The following NLRP1 variants were observed in gnomAD, a reference collection of about 807,000 sequenced individuals.
NLRP1 encodes the protein NLR family pyrin domain containing 1, also known as NACHT, LRR and PYD domains-containing protein 1.
A neutral mutation model predicts 136.7 loss-of-function variants in NLRP1; 94 were observed. The ratio of observed to expected loss-of-function variants is 0.69; its 90% CI spans 0.58 to 0.82. The LOEUF is 0.82. NLRP1 is among the 40% of genes least tolerant of loss of function. The pLI is 0.00. For synonymous variants in NLRP1, 690 were observed against 725.1 expected (o/e 0.95, Z 0.78); for missense variants, 1,575 against 1,802.7 (o/e 0.87, Z 2.29).
At chr17:5,517,649 G>A in intron 15 of NLRP1, 97 bp downstream of exon 15, 1 of 1,423,716 alleles carries the variant, frequency 7.0e-7, no homozygotes, top group Non-Finnish European at 9.7e-7. Flanking sequence ...GCCTCCCAAA[G>A]TTCTGGGATT....
intron 3 of NLRP1, among the ~76,000 whole-genome samples, chr17:5,577,685 C>T (rs962398183): frequency 3.3e-5 from 5 of 152,168 alleles, no homozygotes; most frequent in African/African-American, 1.2e-4. Flanking sequence ...CCATACTGCC[C>T]AAGGTAATTT....
At chr17:5,569,576 G>T (rs115324739) in intron 3 of NLRP1, among the ~76,000 whole-genome samples, 1 of 152,100 alleles carries the variant, frequency 6.6e-6, no homozygotes, top group Non-Finnish European at 1.5e-5. Context: ...AGACTTAACT[G>T]TCAGGAATAT....
chr17:5,550,159 A>G (rs1208426439), intron 5 of NLRP1, among the ~76,000 whole-genome samples: 1 of 150,310 alleles, frequency 6.7e-6, no homozygotes, highest in African/African-American at 2.5e-5. Context: ...TTCTCTTGTG[A>G]TGCTTTTGGT....
intron 8 of NLRP1, among the ~76,000 whole-genome samples, chr17:5,534,470 C>T (rs1910762033): frequency 6.6e-6 from 1 of 152,228 alleles, no homozygotes; most frequent in Non-Finnish European, 1.5e-5. Flanking sequence ...TCCACCCATG[C>T]ATCCAGGCTA....
intron 5 of NLRP1, among the ~76,000 whole-genome samples, chr17:5,543,625 C>A (rs1004251762): frequency 1.3e-5 from 2 of 151,256 alleles, no homozygotes; most frequent in Non-Finnish European, 2.9e-5. Context: ...CACTGCACTC[C>A]AGCCTGGGTG....
intron 9 of NLRP1, among the ~76,000 whole-genome samples, chr17:5,533,587 G>A (rs12943068): frequency 0.047 from 6,697 of 143,740 alleles, 198 homozygotes; most frequent in Middle Eastern, 0.082. Context: ...AGATGGCAGG[G>A]CAAAGATGGA....
At chr17:5,522,460 C>A (rs1364904858) in intron 12 of NLRP1, among the ~76,000 whole-genome samples, 1 of 152,188 alleles carries the variant, frequency 6.6e-6, no homozygotes, top group East Asian at 1.9e-4. Context: ...CACCAACACA[C>A]CAAATCTGCT....
intron 8 of NLRP1, among the ~76,000 whole-genome samples, chr17:5,534,832 C>G (rs868164249): frequency 6.6e-6 from 1 of 151,970 alleles, no homozygotes. Context: ...CTCTGTCACC[C>G]TCCAATGTCA....
Position 5,504,862 on chromosome 17 carries a change from C to T in NLRP1, c.4070-2990G>A, listed in dbSNP as rs1376463344. On this transcript the variant is annotated intron_variant, in intron 15 of 15. Transcript: ENST00000262467. The surrounding 1 kb of genome is among the most constrained non-coding windows in gnomAD (Gnocchi z 4.4). ...TAGAATGTGTACACAGAGCAAGAGG[C>T]AAAATTCACAAAGGCCACTTTTAGC... 6.5e-6 allele frequency: 1 copy of T among 152,714 alleles called. No homozygotes were observed. Among genetic ancestry groups the T allele is most frequent in the Non-Finnish European group, 1.5e-5 (1 of 68,206 alleles). 9.5% of individuals were successfully genotyped at this position (152,714 alleles called of 1,614,324 possible). A position where few individuals can be genotyped will look rare whatever the true frequency, so the allele number is the denominator to read the frequency against.
intron 11 of NLRP1, 25 bp from the exon 12 acceptor site, chr17:5,530,729 C>T (rs889937483): frequency 6.3e-7 from 1 of 1,578,120 alleles, no homozygotes; most frequent in Admixed American, 1.7e-5. Context: ...GAGAGGCAGA[C>T]ACTTACTGCA....
intron 5 of NLRP1, among the ~76,000 whole-genome samples, chr17:5,552,136 A>T (rs1913457259): frequency 7.6e-6 from 1 of 131,002 alleles, no homozygotes; most frequent in South Asian, 2.4e-4. Context: ...ATTTATAACT[A>T]TAAACTTCCC....
rs141287975 is a variant in NLRP1 at position 5,536,601 on chromosome 17, C to G, written c.2960+250G>C. On this transcript the variant is annotated intron_variant, in intron 8 of 16. Transcript: ENST00000572272. ...GAGTAGCTGGGACCACAGGCACCCG[C>G]CACCACGCCTGGCTAATTTTTTAGC... 2.9e-3 allele frequency among the ~76,000 whole-genome samples: 441 copies of G among 152,232 alleles called. 3 individuals carry two copies. The highest frequency in any genetic ancestry group is 9.9e-3 in the African/African-American group (413 of 41,522).
chr17:5,562,079 C>T (rs979545863), intron 3 of NLRP1, among the ~76,000 whole-genome samples: 1 of 152,184 alleles, frequency 6.6e-6, no homozygotes, highest in Non-Finnish European at 1.5e-5. Context: ...CAGGGAAACA[C>T]CCAGATGGCA....
downstream of NLRP1, among the ~76,000 whole-genome samples, chr17:5,509,834 A>T (rs1391924020): frequency 6.6e-6 from 1 of 151,900 alleles, no homozygotes; most frequent in Non-Finnish European, 1.5e-5. Context: ...GCATTCTTTG[A>T]CAGGGGTCCC....
At chr17:5,533,475 G>T in intron 9 of NLRP1, 91 bp from the exon 10 acceptor site, 1 of 663,720 alleles carries the variant, frequency 1.5e-6, no homozygotes, top group South Asian at 1.6e-5. Flanking sequence ...AGGATTGTTT[G>T]AGCTCAGAAG....
chr17:5,538,738 T>C (rs11650380), intron 7 of NLRP1, among the ~76,000 whole-genome samples: 7,070 of 152,276 alleles, frequency 0.046, 192 homozygotes, highest in Middle Eastern at 0.085. Flanking sequence ...AATGAATGAA[T>C]GAGTAAATGA....
intron 5 of NLRP1, among the ~76,000 whole-genome samples, chr17:5,542,245 A>G (rs1911964317): frequency 2.0e-5 from 3 of 149,502 alleles, no homozygotes; most frequent in Non-Finnish European, 2.9e-5. Context: ...AAACCCTCCA[A>G]TGTTTTCCCA....
In NLRP1 at chr17:5,584,268, G is replaced by C. The variant is rs1339029559; in HGVS notation, c.-311C>G. ...AGGGTGAGGGGAGATGTGGTGACGG[G>C]AGATGGGGTGTGGGCAACGCTCACT... On this transcript the variant is annotated 5_prime_UTR_variant, in exon 1 of 17. Coordinates refer to ENST00000572272, the MANE Select transcript of NLRP1 (RefSeq NM_033004.4). The C allele has an allele frequency of 4.4e-6, 2 of 455,582 alleles. No homozygotes were observed. The highest frequency in any genetic ancestry group is 3.9e-5 in the African/African-American group (2 of 50,724). 28.2% of individuals were successfully genotyped at this position (455,582 alleles called of 1,614,324 possible). A position where few individuals can be genotyped will look rare whatever the true frequency, so the allele number is the denominator to read the frequency against.
chr17:5,559,127 G>C lies in NLRP1; in HGVS notation c.1569C>G (p.Ser523=). ...LWALCLVPWV[S]WLACTCLMQQ... Reference sequence around the variant, plus strand: ...GCATCAGGCAAGTGCAGGCCAGCCAGGACACCCAGGGCACAAGACACAGGG... The same window carrying C: ...GCATCAGGCAAGTGCAGGCCAGCCACGACACCCAGGGCACAAGACACAGGG... Residue 523 remains serine (S), a synonymous_variant, in exon 4 of 17, where the codon TCC becomes TCG. Coordinates refer to ENST00000572272, the MANE Select transcript of NLRP1 (RefSeq NM_033004.4). 6.2e-7 allele frequency: 1 copy of C among 1,614,152 alleles called. No individual in the cohort carries two copies. The highest frequency in any genetic ancestry group is 8.5e-7 in the Non-Finnish European group (1 of 1,180,010).
Sources: gnomAD v4.1 joint callset for allele counts (sites outside exome capture counted in the v4.1 genomes callset) on GRCh38, gnomAD v4.1.1 for gene constraint, Gnocchi (gnomAD v3.1) non-coding constraint, MANE v1.5 for transcripts, NCBI Gene and HGNC (gene_info 2026-07-23, HGNC 2026-07-21) for gene names.